The following VTI1A variants were observed in gnomAD, a reference collection of about 807,000 sequenced individuals.
VTI1A encodes the protein vesicle transport through interaction with t-SNAREs 1A.
A neutral mutation model predicts 34.9 loss-of-function variants in VTI1A; 22 were observed. That is an observed-to-expected ratio of 0.63 (90% CI 0.45 to 0.90). The LOEUF (loss-of-function observed/expected upper bound fraction) is 0.90. Among genes scored for constraint, VTI1A ranks in the 40% least tolerant of loss-of-function variants. VTI1A has a pLI of 0.00. For synonymous variants in VTI1A, 87 were observed against 97.3 expected (o/e 0.89, Z 0.62); for missense variants, 268 against 275.6 (o/e 0.97, Z 0.20).
chr10:112,672,802 A>G (rs115572405), intron 7 of VTI1A: 22 of 152,328 alleles, frequency 1.4e-4, no homozygotes, highest in African/African-American at 4.8e-4. Flanking sequence ...TTCAAAATTC[A>G]GTCAGAATAA....
At chr10:112,837,333 A>T in the VTI1A span, among the ~76,000 whole-genome samples, 2 of 152,176 alleles carry the variant, frequency 1.3e-5, no homozygotes, top group Non-Finnish European at 2.9e-5. Context: ...TCTCAAAAAA[A>T]AATCCTGGGA....
chr10:112,687,336 C>G (rs909537596), intron 7 of VTI1A, among the ~76,000 whole-genome samples: 6 of 148,126 alleles, frequency 4.1e-5, no homozygotes, highest in African/African-American at 1.5e-4. Flanking sequence ...CGGGTTCACG[C>G]CATTCTCCTG....
chr10:112,836,981 C>G, the VTI1A span, among the ~76,000 whole-genome samples: 56 of 152,320 alleles, frequency 3.7e-4, no homozygotes, highest in Non-Finnish European at 5.9e-4. Flanking sequence ...CTTCGGAGCT[C>G]AGGACTGTGA....
intron 5 of VTI1A, among the ~76,000 whole-genome samples, chr10:112,667,369 C>T (rs779638891): frequency 2.0e-5 from 3 of 152,042 alleles, no homozygotes; most frequent in South Asian, 2.1e-4. Flanking sequence ...AGTCTGAAAA[C>T]GATTTATTCA....
chr10:112,617,355 G>C (rs749238598), intron 5 of VTI1A, among the ~76,000 whole-genome samples: 2 of 152,112 alleles, frequency 1.3e-5, no homozygotes, highest in African/African-American at 2.4e-5. Flanking sequence ...GCCATCTGTA[G>C]ATTTTTACTA....
chr10:112,457,178 G>A (rs920351768), intron 1 of VTI1A, among the ~76,000 whole-genome samples: 3 of 152,078 alleles, frequency 2.0e-5, no homozygotes, highest in Admixed American at 6.6e-5. Context: ...CTGAAATGTC[G>A]AGGACCTTAA....
chr10:112,456,644 A>G (rs1847536759), intron 1 of VTI1A, among the ~76,000 whole-genome samples: 1 of 152,170 alleles, frequency 6.6e-6, no homozygotes, highest in Non-Finnish European at 1.5e-5. Context: ...TGCACCCAGC[A>G]GCTTTCATTC....
chr10:112,726,381 G>T (rs1237735769), intron 7 of VTI1A, among the ~76,000 whole-genome samples: 1 of 152,120 alleles, frequency 6.6e-6, no homozygotes, highest in African/African-American at 2.4e-5. Context: ...TTCTTGAAGG[G>T]AGTCAACCTC....
chr10:112,761,645 T>C (rs1477067686), intron 7 of VTI1A, among the ~76,000 whole-genome samples: 2 of 152,192 alleles, frequency 1.3e-5, no homozygotes, highest in African/African-American at 4.8e-5. Context: ...GTTTTAATCC[T>C]ATAAGCTAGA....
chr10:112,582,477 A>G (rs1843987515), intron 5 of VTI1A, among the ~76,000 whole-genome samples: 1 of 152,168 alleles, frequency 6.6e-6, no homozygotes, highest in Non-Finnish European at 1.5e-5. Flanking sequence ...GAAATTGTGG[A>G]ACCATCTCTG....
chr10:112,834,050 T>A, the VTI1A span, among the ~76,000 whole-genome samples: 1 of 152,222 alleles, frequency 6.6e-6, no homozygotes, highest in Admixed American at 6.5e-5. Flanking sequence ...TCCCTGAACC[T>A]CGTTCCCTTC....
intron 7 of VTI1A, among the ~76,000 whole-genome samples, chr10:112,781,428 G>A (rs1300707264): frequency 2.0e-5 from 3 of 152,160 alleles, no homozygotes; most frequent in Non-Finnish European, 4.4e-5. Flanking sequence ...TTCCCAGGCG[G>A]CCCCCAGTCA....
intron 7 of VTI1A, among the ~76,000 whole-genome samples, chr10:112,696,306 C>T (rs971360133): frequency 9.9e-5 from 15 of 152,102 alleles, no homozygotes; most frequent in African/African-American, 3.4e-4. Flanking sequence ...AGAAAGCACA[C>T]TCTCTTCTTT....
chr10:112,562,335 T>G (rs1851751391), intron 5 of VTI1A, among the ~76,000 whole-genome samples: 1 of 152,218 alleles, frequency 6.6e-6, no homozygotes, highest in Non-Finnish European at 1.5e-5. Context: ...CTGTTTTCTC[T>G]GTGTTTACCT....
At chr10:112,471,367 A>AT (rs576549183) in intron 3 of VTI1A, among the ~76,000 whole-genome samples, 5,225 of 94,348 alleles carry the variant, frequency 0.055, 487 homozygotes, top group African/African-American at 0.19. Context: ...ATTCTTATTG[A>AT]TTTTTTTTTT....
chr10:112,648,484 C>T (rs1250256317), intron 5 of VTI1A, among the ~76,000 whole-genome samples: 1 of 152,120 alleles, frequency 6.6e-6, no homozygotes, highest in East Asian at 1.9e-4. Context: ...TGAGCATCAA[C>T]CATGATAAAT....
At chr10:112,827,102 A>C in the VTI1A span, 1 of 152,188 alleles carries the variant, frequency 6.6e-6, no homozygotes, top group Non-Finnish European at 1.5e-5. Flanking sequence ...ATTTTGAGTC[A>C]TGTCTTCTGG....
chr10:112,627,706 T>A (rs1845975696), intron 5 of VTI1A, among the ~76,000 whole-genome samples: 1 of 152,166 alleles, frequency 6.6e-6, no homozygotes, highest in Non-Finnish European at 1.5e-5. Context: ...TCAACAAATA[T>A]CGAAGCATCT....
intron 7 of VTI1A, among the ~76,000 whole-genome samples, chr10:112,752,753 A>C (rs936984948): frequency 6.6e-6 from 1 of 152,198 alleles, no homozygotes; most frequent in African/African-American, 2.4e-5. Context: ...GGAAGAAAGA[A>C]TTCTGCTGCC....
Sources: gnomAD v4.1 joint callset for allele counts (sites outside exome capture counted in the v4.1 genomes callset) on GRCh38, gnomAD v4.1.1 for gene constraint, MANE v1.5 for transcripts, NCBI Gene and HGNC (gene_info 2026-07-23, HGNC 2026-07-21) for gene names.